The following SLC4A4 variants were observed in gnomAD, a reference collection of about 807,000 sequenced individuals.
The protein encoded by SLC4A4 is electrogenic sodium bicarbonate cotransporter 1.
Under a neutral mutation model 111.5 loss-of-function variants are expected in SLC4A4, and 27 were observed. The ratio of observed to expected loss-of-function variants is 0.24; its 90% confidence interval spans 0.18 to 0.33. SLC4A4 has a LOEUF of 0.33. Ranked by LOEUF, SLC4A4 falls within the 10% of genes least tolerant of loss-of-function variation. SLC4A4 has a pLI of 1.00. For synonymous variants in SLC4A4, 443 were observed against 463.4 expected (o/e 0.96, Z 0.57); for missense variants, 909 against 1,315.5 (o/e 0.69, Z 4.78).
chr4:71,141,838 G>A (rs879376610), intron 2 of SLC4A4, among the ~76,000 whole-genome samples: 1 of 152,204 alleles, frequency 6.6e-6, no homozygotes, highest in Non-Finnish European at 1.5e-5. Context: ...AATTAAATCA[G>A]CAAAGCTCTC....
At chr4:71,115,974 A>G (rs964059414) in intron 2 of SLC4A4, among the ~76,000 whole-genome samples, 1 of 152,134 alleles carries the variant, frequency 6.6e-6, no homozygotes, top group Non-Finnish European at 1.5e-5. Context: ...GGCTCACTGC[A>G]ACATCCACCT....
chr4:71,184,313 T>C (rs1428352358), upstream of SLC4A4, among the ~76,000 whole-genome samples: 2 of 152,210 alleles, frequency 1.3e-5, no homozygotes, highest in East Asian at 1.9e-4. Context: ...CGACCAGAAA[T>C]GCCTGGACTA....
At chr4:71,279,548 G>A (rs1319436779) in intron 3 of SLC4A4, among the ~76,000 whole-genome samples, 1 of 151,928 alleles carries the variant, frequency 6.6e-6, no homozygotes, top group Non-Finnish European at 1.5e-5. Flanking sequence ...TCCATATGTT[G>A]GCTATTGGTG....
At chr4:71,074,693 G>A (rs1431059564) in intron 1 of SLC4A4, among the ~76,000 whole-genome samples, 1 of 151,354 alleles carries the variant, frequency 6.6e-6, no homozygotes, top group Non-Finnish European at 1.5e-5. Flanking sequence ...AAGAGGGAAG[G>A]GAGCAAGCAA....
intron 17 of SLC4A4, among the ~76,000 whole-genome samples, chr4:71,533,551 A>T (rs1734133258): frequency 6.6e-6 from 1 of 152,042 alleles, no homozygotes; most frequent in African/African-American, 2.4e-5. Context: ...TGATCTACTG[A>T]TGGAAAACAG....
At chr4:71,331,540 T>A (rs1347699156) in intron 3 of SLC4A4, among the ~76,000 whole-genome samples, 1 of 143,156 alleles carries the variant, frequency 7.0e-6, no homozygotes, top group Non-Finnish European at 1.5e-5. Flanking sequence ...ATGAGAACCC[T>A]TGGACACAGG....
intron 13 of SLC4A4, 34 bp downstream of exon 13, chr4:71,466,611 T>C (rs1727336202): frequency 2.5e-6 from 4 of 1,599,816 alleles, no homozygotes; most frequent in Non-Finnish European, 2.6e-6. Flanking sequence ...CAAATTAGAA[T>C]TGCTTAATTG....
Position 71,113,353 on chromosome 4 carries a change from G to A in SLC4A4, c.-2+20561G>A, listed in dbSNP as rs145914278. Among the ~76,000 whole-genome samples the A allele has an allele frequency of 2.8e-4, 42 of 152,192 alleles. 1 individual carries two copies. The highest frequency in any genetic ancestry group is 1.0e-3 in the African/African-American group (42 of 41,540). On this transcript the variant is annotated intron_variant, in intron 2 of 26. Transcript: ENST00000649996. Reference sequence around the variant, plus strand: ...AAATCCTCTGGGAAACTGACACAAGGCCCCAGATACTTCATTAGCAGAGTG... The same window carrying A: ...AAATCCTCTGGGAAACTGACACAAGACCCCAGATACTTCATTAGCAGAGTG...
chr4:71,435,034 T>C lies in SLC4A4; in HGVS notation c.808-5582T>C, dbSNP rs191787125. Among the ~76,000 whole-genome samples, 36 of 152,290 alleles carry C rather than the reference T, an allele frequency of 2.4e-4. No homozygotes were observed. The East Asian group carries it at 5.0e-3, about 21-fold the overall frequency. The stretch of plus-strand genomic sequence containing the variant: ...AGATTCAATGCTATTCCCATCAAAC[T>C]ACCACTGAATTTCTTCACAGAATTG... On this transcript the variant is annotated intron_variant, in intron 7 of 25. Transcript: ENST00000264485.
chr4:71,174,819 G>C (rs2630554), intron 2 of SLC4A4, among the ~76,000 whole-genome samples: 6 of 152,240 alleles, frequency 3.9e-5, no homozygotes, highest in Non-Finnish European at 7.3e-5. Flanking sequence ...TATGGCTTAC[G>C]ATGTAGCCCA....
At chr4:71,366,282 A>T (rs539630764) in intron 6 of SLC4A4, among the ~76,000 whole-genome samples, 1 of 149,270 alleles carries the variant, frequency 6.7e-6, no homozygotes, top group East Asian at 2.0e-4. Context: ...TCTTAATAGG[A>T]TTGTTTTAAA....
intron 3 of SLC4A4, among the ~76,000 whole-genome samples, chr4:71,326,877 C>CA (rs1460417082): frequency 6.6e-6 from 1 of 151,948 alleles, no homozygotes; most frequent in Non-Finnish European, 1.5e-5. Context: ...TTTTGTCTCA[C>CA]AATGAAAAAC....
intron 20 of SLC4A4, among the ~76,000 whole-genome samples, chr4:71,548,014 A>G (rs777949600): frequency 5.3e-5 from 8 of 151,840 alleles, no homozygotes; most frequent in Non-Finnish European, 1.0e-4. Flanking sequence ...ATTGAATCAG[A>G]CTGATCTTCT....
intron 8 of SLC4A4, among the ~76,000 whole-genome samples, chr4:71,446,849 C>T (rs1441890712): frequency 1.3e-5 from 2 of 152,198 alleles, no homozygotes; most frequent in African/African-American, 2.4e-5. Context: ...ATCAGATCCC[C>T]GCATCCACAG....
At chr4:71,367,741 G>C (rs957799359) in intron 6 of SLC4A4, among the ~76,000 whole-genome samples, 1 of 152,158 alleles carries the variant, frequency 6.6e-6, no homozygotes, top group Admixed American at 6.5e-5. Context: ...CCTCAAACAG[G>C]TGCTGGCACA....
At chr4:71,408,634 T>C (rs1312043056) in intron 7 of SLC4A4, among the ~76,000 whole-genome samples, 5 of 152,262 alleles carry the variant, frequency 3.3e-5, no homozygotes, top group African/African-American at 4.8e-5. Flanking sequence ...ATGAATCTTA[T>C]TGAATGCACA....
At chr4:71,497,158 A>G (rs551818092) in intron 15 of SLC4A4, among the ~76,000 whole-genome samples, 1 of 152,256 alleles carries the variant, frequency 6.6e-6, no homozygotes, top group Admixed American at 6.5e-5. Flanking sequence ...AGAGTCTTAC[A>G]TTTTGAGACT....
chr4:71,140,964 T>C, intron 2 of SLC4A4, among the ~76,000 whole-genome samples: 1 of 152,232 alleles, frequency 6.6e-6, no homozygotes, highest in Admixed American at 6.5e-5. Context: ...TAAATTAAGC[T>C]AGTTAACATA....
chr4:71,171,043 C>T (rs1744918787), intron 2 of SLC4A4, among the ~76,000 whole-genome samples: 1 of 152,102 alleles, frequency 6.6e-6, no homozygotes. Context: ...GTAGCAAATA[C>T]AGCTGGTTGA....
Sources: allele counts gnomAD v4.1 joint callset (sites outside exome capture counted in the v4.1 genomes callset), GRCh38; gene constraint gnomAD v4.1.1; transcripts MANE v1.5; gene names NCBI Gene and HGNC (gene_info 2026-07-23, HGNC 2026-07-21).